The following TNNT3 variants were observed in gnomAD, a reference collection of about 807,000 sequenced individuals.
TNNT3 encodes the protein troponin T, fast skeletal muscle.
Under a neutral mutation model 54.2 loss-of-function variants are expected in TNNT3, and 36 were observed. The observed-to-expected ratio is 0.66, with a 90% confidence interval of 0.51 to 0.88. TNNT3 has a LOEUF of 0.88. Among genes scored for constraint, TNNT3 ranks in the 40% least tolerant of loss-of-function variants. The pLI is 0.00. For synonymous variants in TNNT3, 120 were observed against 109.7 expected, an observed-to-expected ratio of 1.09 and a Z score of -0.59; for missense variants, 291 against 331.6, an observed-to-expected ratio of 0.88 and a Z score of 0.95.
At chr11:1,932,114 G>A (rs370691887) in intron 8 of TNNT3, among the ~76,000 whole-genome samples, 3 of 152,246 alleles carry the variant, frequency 2.0e-5, no homozygotes, top group East Asian at 3.8e-4. Context: ...ACCCACAGTG[G>A]CCATCGCTTC....
At chr11:1,933,201 T>C (rs1288312067) in intron 9 of TNNT3, among the ~76,000 whole-genome samples, 2 of 137,008 alleles carry the variant, frequency 1.5e-5, no homozygotes, top group Non-Finnish European at 3.1e-5. Context: ...CCTCTACCAT[T>C]AATCCACATA....
chr11:1,929,422 G>A lies in TNNT3; in HGVS notation c.106+279G>A, dbSNP rs752890267. ...AGCCAGCAGTGCCAGAGCCCGGGCC[G>A]GGCACGCCCCCCTCCCCTTTCTCCC... On this transcript the variant is annotated intron_variant, in intron 7 of 15. Coordinates refer to ENST00000278317, the MANE Select transcript of TNNT3 (RefSeq NM_006757.4). Among the ~76,000 whole-genome samples the A allele has an allele frequency of 2.6e-5, 4 of 152,180 alleles. No homozygotes were observed. The South Asian group carries it at 6.2e-4, about 24-fold the overall frequency.
At chr11:1,926,755 C>T in intron 6 of TNNT3, 46 bp downstream of exon 6, 10 of 1,611,952 alleles carry the variant, frequency 6.2e-6, no homozygotes, top group Non-Finnish European at 8.5e-6. Flanking sequence ...TCCGTCCTCC[C>T]TTCTGTCCTC....
intron 8 of TNNT3, among the ~76,000 whole-genome samples, chr11:1,930,483 C>T (rs1160462740): frequency 1.3e-5 from 2 of 152,188 alleles, no homozygotes; most frequent in Non-Finnish European, 2.9e-5. Flanking sequence ...AGCTTGTCCT[C>T]ATCGCACCTG....
rs376983580 is a variant in TNNT3, at chr11:1,934,024, G to T, written c.366+16G>T. On this transcript the variant is annotated intron_variant, in intron 11 of 15. Coordinates refer to ENST00000278317, the MANE Select transcript of TNNT3 (RefSeq NM_006757.4). ...CAGACTGGCGGTGAGGGCACCATCC[G>T]CACTGCTGCCTCATCAGAGAATGAG... The T allele has an allele frequency of 3.1e-6, 5 of 1,608,574 alleles. No homozygotes were observed. The highest frequency in any genetic ancestry group is 3.4e-6 in the Non-Finnish European group (4 of 1,177,606).
intron 7 of TNNT3, among the ~76,000 whole-genome samples, chr11:1,929,434 C>T (rs901155705): frequency 1.3e-5 from 2 of 152,220 alleles, no homozygotes; most frequent in African/African-American, 4.8e-5. Flanking sequence ...GCACGCCCCC[C>T]TCCCCTTTCT....
chr11:1,920,152 G>A (rs1849759660), intron 1 of TNNT3, among the ~76,000 whole-genome samples: 1 of 152,208 alleles, frequency 6.6e-6, no homozygotes. Flanking sequence ...GGCTTAGGTT[G>A]CCAGCTTGTG....
At chr11:1,929,232 C>T (rs1852566363) in intron 7 of TNNT3, 89 bp downstream of exon 7, 2 of 1,442,058 alleles carry the variant, frequency 1.4e-6, no homozygotes, top group Non-Finnish European at 1.9e-6. Flanking sequence ...TCTCGCTGCC[C>T]TGCCTCCTCC....
At chr11:1,934,988 T>A (rs1052242444) in intron 14 of TNNT3, 69 bp downstream of exon 14, 3 of 1,436,920 alleles carry the variant, frequency 2.1e-6, no homozygotes, top group Non-Finnish European at 2.9e-6. Flanking sequence ...GCCATCTCCC[T>A]GCGTCCCTAC....
intron 5 of TNNT3, 136 bp from the exon 6 acceptor site, chr11:1,926,559 G>T: frequency 1.2e-6 from 2 of 1,609,558 alleles, no homozygotes; most frequent in South Asian, 2.2e-5. Flanking sequence ...AACAAGAGGG[G>T]CCGCGTAACC....
At position 1,937,117 on chromosome 11, in the gene TNNT3, G is replaced by C. The variant is rs1019249225; in HGVS notation, c.722+114G>C. On this transcript the variant is annotated intron_variant, in intron 15 of 15. Coordinates refer to ENST00000278317, the MANE Select transcript of TNNT3 (RefSeq NM_006757.4). ...TGGCTGGCCTCGGCAGGGCAGTAAC[G>C]AGACTAACCCGGCCAGGCCACCCAG... The C allele has an allele frequency of 2.5e-6, 3 of 1,197,754 alleles. No homozygotes were observed. In the South Asian group the frequency reaches 3.9e-5, roughly 16 times the overall value. 74.2% of individuals were successfully genotyped at this position (1,197,754 alleles called of 1,614,324 possible).
In TNNT3 at chr11:1,923,561, A is replaced by T; in HGVS notation, c.38A>T (p.Tyr13Phe). ...TTGTTCTGTCCCAATGCAGAGCAGT[A>T]CGAAGAAGAAGGTAATTCTGGCAAC... is the stretch of plus-strand genomic sequence containing the variant. Reference protein sequence around the residue: ...DEEVEQVEEQYEEEEEAQEEE... With the variant: ...DEEVEQVEEQFEEEEEAQEEE... The change falls in exon 4 of 16, where the codon TAC becomes TTC. Residue 13 changes from tyrosine (Y) to phenylalanine (F), a missense_variant. Transcript: ENST00000278317. The T allele has an allele frequency of 6.2e-7, 1 of 1,613,944 alleles. No individual in the cohort carries two copies. The highest frequency in any genetic ancestry group is 8.5e-7 in the Non-Finnish European group (1 of 1,179,958).
Position 1,934,399 on chromosome 11 carries a change from A to C in TNNT3, c.434A>C (p.Lys145Thr). 2 of 1,613,868 alleles carry C rather than the reference A, an allele frequency of 1.2e-6. No individual in the cohort carries two copies. The highest frequency in any genetic ancestry group is 1.7e-6 in the Non-Finnish European group (2 of 1,180,028). The change falls in exon 12 of 16, where the codon AAA becomes ACA. Residue 145 changes from lysine to threonine, a missense_variant. Physicochemically the swap from Lys to Thr is moderately conservative, Grantham distance 78. Transcript: ENST00000278317. Reference sequence around the variant, plus strand: ...GCAGAGGACGACCTGAAGAAGAAGAAAGCTCTGTCTTCCATGGGAGCCAAC... The same window carrying C: ...GCAGAGGACGACCTGAAGAAGAAGACAGCTCTGTCTTCCATGGGAGCCAAC... ...RRAEDDLKKKKALSSMGANYS... is the reference protein window; with the variant it reads ...RRAEDDLKKKTALSSMGANYS...
At chr11:1,919,944 C>T (rs939477780) in intron 1 of TNNT3, among the ~76,000 whole-genome samples, 182 bp downstream of exon 1, 6 of 152,158 alleles carry the variant, frequency 3.9e-5, no homozygotes, top group Non-Finnish European at 8.8e-5. Context: ...CTCCAGCGTC[C>T]GGAGAGTCTG....
At position 1,938,609 on chromosome 11, in the gene TNNT3, C is replaced by T. The variant is rs750160867; in HGVS notation, c.*117C>T. 1.7e-6 allele frequency: 2 copies of T among 1,143,514 alleles called. No homozygotes were observed. Among genetic ancestry groups the T allele is most frequent in the South Asian group, 2.6e-5 (2 of 76,968 alleles). 70.8% of individuals were successfully genotyped at this position (1,143,514 alleles called of 1,614,324 possible). On this transcript the variant is annotated 3_prime_UTR_variant, in exon 16 of 16. Coordinates refer to ENST00000278317, the MANE Select transcript of TNNT3 (RefSeq NM_006757.4). ...TCCTGTCAGGGGCTCCCTGACAGTCCTGGGGGTGGAGAGGCCATCCCGGGG... is the reference window on the plus strand; with the variant it reads ...TCCTGTCAGGGGCTCCCTGACAGTCTTGGGGGTGGAGAGGCCATCCCGGGG...
intron 14 of TNNT3, 72 bp from the exon 15 acceptor site, chr11:1,936,891 G>C: frequency 6.6e-7 from 1 of 1,516,006 alleles, no homozygotes. Context: ...CTGCGGTGGA[G>C]ACAGGCCTTC....
chr11:1,927,231 AG>A (rs1352374123), intron 6 of TNNT3, among the ~76,000 whole-genome samples: 3 of 152,208 alleles, frequency 2.0e-5, no homozygotes, highest in Admixed American at 6.5e-5. Flanking sequence ...GACCCGGAAC[AG>A]CCAGGGGCCA....
At chr11:1,936,695 A>G (rs779666433) in intron 14 of TNNT3, among the ~76,000 whole-genome samples, 2 of 152,184 alleles carry the variant, frequency 1.3e-5, no homozygotes, top group Non-Finnish European at 2.9e-5. Flanking sequence ...GGCTGAAGGT[A>G]AGTGGCCAGC....
chr11:1,932,396 GGA>G, intron 8 of TNNT3, 71 bp from the exon 9 acceptor site: 2 of 1,498,078 alleles, frequency 1.3e-6, no homozygotes, highest in African/African-American at 2.8e-5. Flanking sequence ...GGGCCAGCGG[GGA>G]AAGCGCCAGG....
Sources: gnomAD v4.1 joint callset for allele counts (sites outside exome capture counted in the v4.1 genomes callset) on GRCh38, gnomAD v4.1.1 for gene constraint, MANE v1.5 for transcripts, NCBI Gene and HGNC (gene_info 2026-07-23, HGNC 2026-07-21) for gene names.